The following USP2 variants were observed in gnomAD, a reference collection of about 807,000 sequenced individuals.
USP2 encodes ubiquitin carboxyl-terminal hydrolase 2.
A neutral mutation model predicts 72.0 loss-of-function variants in USP2; 33 were observed. The ratio of observed to expected loss-of-function variants is 0.46; its 90% CI spans 0.35 to 0.61. The LOEUF (loss-of-function observed/expected upper bound fraction) is 0.61, where lower values mean the gene tolerates loss of function less well. Among genes scored for constraint, USP2 ranks in the 20% least tolerant of loss-of-function variants. The probability of loss-of-function intolerance (pLI) is 0.01; values close to 1 mark genes in which losing one functional copy is unlikely to be tolerated. For synonymous variants in USP2, 296 were observed against 312.5 expected, an observed-to-expected ratio of 0.95 and a Z score of 0.56; for missense variants, 691 against 797.8, an observed-to-expected ratio of 0.87 and a Z score of 1.61.
At chr11:119,372,561 A>G in intron 2 of USP2, 146 bp downstream of exon 2, 1 of 856,326 alleles carries the variant, frequency 1.2e-6, no homozygotes, top group Non-Finnish European at 1.7e-6. Flanking sequence ...GGGGCACCAG[A>G]TGTGCCAGGA....
chr11:119,360,083 G>GT, intron 3 of USP2, 101 bp downstream of exon 3: 1 of 1,426,070 alleles, frequency 7.0e-7, no homozygotes, highest in Non-Finnish European at 9.7e-7. Context: ...GGCTGAACGG[G>GT]TAGGGAGTCA....
chr11:119,365,398 G>C (rs2135398196), intron 2 of USP2, among the ~76,000 whole-genome samples: 2 of 152,240 alleles, frequency 1.3e-5, no homozygotes, highest in South Asian at 4.2e-4. Context: ...GTGGTGGGAG[G>C]AGGGGGCAGG....
chr11:119,359,131 C>T lies in USP2; in HGVS notation c.1065G>A (p.Gln355=). The T allele has an allele frequency of 6.2e-7, 1 of 1,614,054 alleles. No individual in the cohort carries two copies. Among genetic ancestry groups the T allele is most frequent in the South Asian group, 1.1e-5 (1 of 91,084 alleles). ...RYAPRFVGYN[Q]QDAQEFLRFL... The stretch of plus-strand genomic sequence containing the variant: ...AGCGAAGGAACTCCTGAGCATCCTG[C>T]TGACTGAACCCAAAGGAAGGAGGGT... Residue 355 remains glutamine (Q), a synonymous_variant, in exon 6 of 13, where the codon CAG becomes CAA. Coordinates refer to ENST00000260187, the MANE Select transcript of USP2 (RefSeq NM_004205.5).
Position 119,356,682 on chromosome 11 carries a change from G to T in USP2, c.*153C>A. 1 of 761,322 alleles carries T rather than the reference G, an allele frequency of 1.3e-6. No individual in the cohort carries two copies. The highest frequency in any genetic ancestry group is 1.9e-5 in the South Asian group (1 of 52,936). The allele number at this position is 761,322 out of a possible 1,614,324, so 47.2% of individuals were successfully genotyped here. A position where few individuals can be genotyped will look rare whatever the true frequency, so the allele number is the denominator to read the frequency against. Reference sequence around the variant, plus strand: ...AGCCCGGCTCCTTGCTCCAGACCCTGATCAGGCTGCATCCACTCCTGCTCG... The same window carrying T: ...AGCCCGGCTCCTTGCTCCAGACCCTTATCAGGCTGCATCCACTCCTGCTCG... On this transcript the variant is annotated 3_prime_UTR_variant, in exon 13 of 13. Transcript: ENST00000260187.
At chr11:119,369,405 C>A (rs1473309319) in intron 2 of USP2, among the ~76,000 whole-genome samples, 1 of 152,174 alleles carries the variant, frequency 6.6e-6, no homozygotes, top group Non-Finnish European at 1.5e-5. Context: ...ACTGTTCTCC[C>A]TGGTCACAGC....
Position 119,356,694 on chromosome 11 carries a change from T to A in USP2, c.*141A>T, listed in dbSNP as rs1160547877. 4 of 845,972 alleles carry A rather than the reference T, an allele frequency of 4.7e-6. No homozygotes were observed. The African/African-American group carries it at 6.9e-5, about 15-fold the overall frequency. The allele number at this position is 845,972 out of a possible 1,614,324, so 52.4% of individuals were successfully genotyped here. ...TGCTCCAGACCCTGATCAGGCTGCA[T>A]CCACTCCTGCTCGGCAGCTTCAGGT... On this transcript the variant is annotated 3_prime_UTR_variant, in exon 13 of 13. Transcript: ENST00000260187.
intron 1 of USP2, among the ~76,000 whole-genome samples, chr11:119,379,612 T>G (rs1309289827): frequency 6.6e-6 from 1 of 152,206 alleles, no homozygotes; most frequent in Non-Finnish European, 1.5e-5. Context: ...GGCCTGGGAT[T>G]GGAGGCTAGT....
At chr11:119,360,258 A>G (rs759376581) in intron 2 of USP2, 24 bp from the exon 3 acceptor site, 7 of 1,613,194 alleles carry the variant, frequency 4.3e-6, no homozygotes, top group South Asian at 1.1e-5. Context: ...ACATATGGCA[A>G]TAAGGTGGAA....
chr11:119,371,320 A>G (rs1950923648), intron 2 of USP2, among the ~76,000 whole-genome samples: 1 of 152,116 alleles, frequency 6.6e-6, no homozygotes, highest in South Asian at 2.1e-4. Flanking sequence ...GAACAGCACC[A>G]GCCGAGTCCA....
chr11:119,360,846 A>G (rs1416823943), intron 2 of USP2, among the ~76,000 whole-genome samples: 1 of 152,156 alleles, frequency 6.6e-6, no homozygotes, highest in African/African-American at 2.4e-5. Context: ...GCTACAGTGG[A>G]GACTAGGAAT....
At position 119,381,646 on chromosome 11, in the gene USP2, C is replaced by A; in HGVS notation, c.-215G>T. On this transcript the variant is annotated 5_prime_UTR_variant, in exon 1 of 13. Coordinates refer to ENST00000260187, the MANE Select transcript of USP2 (RefSeq NM_004205.5). ...CGCCGGGGGCCCAGAAGGGACCTCCCCGGGAAATCGGCGCCACCCAGCGGG... is the reference window on the plus strand; with the variant it reads ...CGCCGGGGGCCCAGAAGGGACCTCCACGGGAAATCGGCGCCACCCAGCGGG... 2.4e-6 allele frequency: 3 copies of A among 1,266,262 alleles called. No homozygotes were observed. Among genetic ancestry groups the A allele is most frequent in the South Asian group, 2.6e-5 (2 of 76,828 alleles). 78.4% of individuals were successfully genotyped at this position (1,266,262 alleles called of 1,614,324 possible).
At chr11:119,358,330 T>G in intron 7 of USP2, 78 bp from the exon 8 acceptor site, 1 of 1,403,086 alleles carries the variant, frequency 7.1e-7, no homozygotes, top group Non-Finnish European at 9.9e-7. Context: ...TTTATTTTTT[T>G]TTTTGAGATG....
chr11:119,356,534 C>A lies in USP2; in HGVS notation c.*301G>T, dbSNP rs7117852. On this transcript the variant is annotated 3_prime_UTR_variant, in exon 13 of 13. Transcript: ENST00000260187. Reference sequence around the variant, plus strand: ...AGCGGCGCAGCGAGGGTCTTCCCCCCCAAGACACAGTTGTTTCTGACACAT... The same window carrying A: ...AGCGGCGCAGCGAGGGTCTTCCCCCACAAGACACAGTTGTTTCTGACACAT... 27 of 317,244 alleles carry A rather than the reference C, an allele frequency of 8.5e-5. No individual in the cohort carries two copies. Among genetic ancestry groups the A allele is most frequent in the Admixed American group, 1.4e-4 (3 of 21,758 alleles). The allele number at this position is 317,244 out of a possible 1,614,324, so 19.7% of individuals were successfully genotyped here. A position where few individuals can be genotyped will look rare whatever the true frequency, so the allele number is the denominator to read the frequency against.
At chr11:119,361,162 G>C (rs1273648478) in intron 2 of USP2, among the ~76,000 whole-genome samples, 1 of 152,228 alleles carries the variant, frequency 6.6e-6, no homozygotes, top group Non-Finnish European at 1.5e-5. Flanking sequence ...GCCTGGCTCA[G>C]GTTTCAACAT....
chr11:119,377,730 C>T (rs761355526), intron 1 of USP2, among the ~76,000 whole-genome samples: 1 of 152,164 alleles, frequency 6.6e-6, no homozygotes, highest in Non-Finnish European at 1.5e-5. Context: ...TGAACCCTGT[C>T]CCCGTGGGGC....
intron 1 of USP2, among the ~76,000 whole-genome samples, chr11:119,374,903 C>T (rs1213774671): frequency 1.3e-5 from 2 of 152,164 alleles, no homozygotes; most frequent in Non-Finnish European, 2.9e-5. Flanking sequence ...AAACCATCAT[C>T]CTCATAATTC....
chr11:119,359,412 A>C, intron 4 of USP2, 70 bp from the exon 5 acceptor site: 1 of 1,585,134 alleles, frequency 6.3e-7, no homozygotes, highest in Non-Finnish European at 8.6e-7. Flanking sequence ...CTAGAATCCC[A>C]ACAAAAAGCA....
At chr11:119,378,914 G>T in intron 1 of USP2, 2 of 933,660 alleles carry the variant, frequency 2.1e-6, no homozygotes, top group Non-Finnish European at 2.6e-6. Flanking sequence ...GGCCCAATGG[G>T]GTGGCCTCTC....
In USP2 at chr11:119,379,165, C is replaced by T. The variant is rs574561795; in HGVS notation, c.-42+2308G>A. 1.4e-4 allele frequency: 139 copies of T among 985,484 alleles called. 1 individual carries two copies. In the African/African-American group the frequency reaches 2.4e-3, roughly 17 times the overall value. The allele number at this position is 985,484 out of a possible 1,614,324, so 61.0% of individuals were successfully genotyped here. A position where few individuals can be genotyped will look rare whatever the true frequency, so the allele number is the denominator to read the frequency against. On this transcript the variant is annotated intron_variant, in intron 1 of 12. Transcript: ENST00000260187. ...ATATATAGTATCTTATCTGACCTCG[C>T]AGACTCGCAGAGATGGCGAGTGCAA...
Sources: allele counts gnomAD v4.1 joint callset (sites outside exome capture counted in the v4.1 genomes callset), GRCh38; gene constraint gnomAD v4.1.1; transcripts MANE v1.5; gene names NCBI Gene and HGNC (gene_info 2026-07-23, HGNC 2026-07-21).